MCF2: variants seen among roughly 807,000 people sequenced by gnomAD.
MCF2 encodes the protein MCF.2 cell line derived transforming sequence.
A neutral mutation model predicts 82.5 loss-of-function variants in MCF2; 44 were observed. The observed-to-expected ratio is 0.53, with a 90% CI of 0.42 to 0.69. MCF2 has a LOEUF of 0.69. Among genes scored for constraint, MCF2 ranks in the 30% least tolerant of loss-of-function variants. The pLI is 0.00. For synonymous variants in MCF2, 217 were observed against 224.9 expected (o/e 0.96, Z 0.32); for missense variants, 623 against 663.1 (o/e 0.94, Z 0.66).
At chrX:139,599,139 A>G (rs1460008094) in intron 16 of MCF2, among the ~76,000 whole-genome samples, 1 of 108,855 alleles carries the variant, frequency 9.2e-6, no homozygotes, top group African/African-American at 3.3e-5. Context: ...CCTGAATAAG[A>G]ACCATGGCTC....
At chrX:139,588,548 A>G (rs750698010) in intron 20 of MCF2, 110 bp from the exon 25 acceptor site, 1 of 441,675 alleles carries the variant, frequency 2.3e-6, no homozygotes, top group African/African-American at 2.5e-5. Context: ...TCTACTCCCT[A>G]TAACACCATA....
chrX:139,641,020 C>T (rs1434935377), intron 1 of MCF2, among the ~76,000 whole-genome samples: 2 of 109,980 alleles, frequency 1.8e-5, no homozygotes, highest in Non-Finnish European at 3.8e-5. Flanking sequence ...TTCCTTCAGC[C>T]CAGTAGCCAT....
intron 10 of MCF2, among the ~76,000 whole-genome samples, chrX:139,613,673 G>A (rs1462244076): frequency 9.0e-6 from 1 of 111,160 alleles, no homozygotes; most frequent in Non-Finnish European, 1.9e-5. Context: ...ACCGAGGTCT[G>A]TCTTCTGCTC....
chrX:139,672,399 C>G (rs771546982), intron 1 of MCF2, among the ~76,000 whole-genome samples: 13 of 112,544 alleles, frequency 1.2e-4, no homozygotes, highest in Non-Finnish European at 1.5e-4. Context: ...TGCCAGTTTT[C>G]AAAGGAAATG....
At chrX:139,639,992 T>C (rs901343847) in intron 1 of MCF2, among the ~76,000 whole-genome samples, 6 of 111,065 alleles carry the variant, frequency 5.4e-5, no homozygotes, top group Admixed American at 2.9e-4. Flanking sequence ...AAACTGGATA[T>C]TATTCCCTTT....
intron 24 of MCF2, among the ~76,000 whole-genome samples, chrX:139,584,285 G>A (rs1455790129): frequency 1.8e-5 from 2 of 109,755 alleles, no homozygotes; most frequent in African/African-American, 6.6e-5. Context: ...ACAGGCATGC[G>A]CCACCACAAC....
At position 139,692,295 on chromosome X, in the gene MCF2, C is replaced by T. The variant is rs954831997; in HGVS notation, c.-45+15811G>A. ...CTGCCGGAGGGGTACAGCCCCTGGC[C>T]CCGCTCAGCCCAGCTGCGCCGCGGC... On this transcript the variant is annotated intron_variant, in intron 1 of 27. Coordinates refer to the MCF2 transcript ENST00000414978. 51 of 312,065 alleles carry T rather than the reference C, an allele frequency of 1.6e-4. No homozygotes were observed. In the South Asian group the frequency reaches 2.2e-3, roughly 13 times the overall value. The allele number at this position is 312,065 out of a possible 1,213,427, so 25.7% of individuals were successfully genotyped here.
intron 19 of MCF2, 59 bp from the exon 24 acceptor site, chrX:139,589,986 A>C: frequency 1.4e-6 from 1 of 692,559 alleles, no homozygotes; most frequent in Non-Finnish European, 2.2e-6. Flanking sequence ...AAATTACATT[A>C]AATCTACCCT....
At chrX:139,585,370 T>G (rs1311938737) in intron 23 of MCF2, among the ~76,000 whole-genome samples, 192 bp from the exon 28 acceptor site, 1 of 110,929 alleles carries the variant, frequency 9.0e-6, no homozygotes, top group Non-Finnish European at 1.9e-5. Context: ...GAAAAGTCAT[T>G]GTCATCTTTT....
At chrX:139,692,264 C>G (rs1169777190) in intron 1 of MCF2, 1 of 412,445 alleles carries the variant, frequency 2.4e-6, no homozygotes, top group Non-Finnish European at 4.0e-6. Flanking sequence ...GCTGGGCACT[C>G]AGGCACTGCC....
At chrX:139,661,941 T>A (rs1286257300) in intron 1 of MCF2, among the ~76,000 whole-genome samples, 1 of 111,888 alleles carries the variant, frequency 8.9e-6, no homozygotes. Context: ...CCTGGGATAG[T>A]CTTGGGGAAC....
chrX:139,642,680 AG>A (rs1933640921), exon 1 of MCF2: 2 of 1,034,803 alleles, frequency 1.9e-6, no homozygotes, highest in Non-Finnish European at 2.5e-6. Context: ...AATGCTGGGG[AG>A]GAAAAAAAAA....
At chrX:139,680,705 G>A (rs1183525235) in intron 1 of MCF2, among the ~76,000 whole-genome samples, 1 of 112,202 alleles carries the variant, frequency 8.9e-6, no homozygotes, top group Non-Finnish European at 1.9e-5. Flanking sequence ...TATAAAAAGA[G>A]ACAAGATGAC....
intron 24 of MCF2, among the ~76,000 whole-genome samples, chrX:139,583,194 A>G (rs1928624693): frequency 1.8e-5 from 2 of 112,261 alleles, no homozygotes; most frequent in Admixed American, 9.5e-5. Context: ...AGTGATTTAC[A>G]AAAGTATTTC....
In MCF2 at chrX:139,585,181, A is replaced by AT; in HGVS notation, c.2633-4dup. On this transcript the variant is annotated splice_polypyrimidine_tract_variant and splice_region_variant and intron_variant, in intron 23 of 24. Transcript: ENST00000370576. ...AGATTGTGATGCCTCAGTCCAAACT[A>AT]TAAGAAAAGTGTGGAATGTGGCAGT... 8.8e-7 allele frequency: 1 copy of AT among 1,130,868 alleles called. No homozygotes were observed. Among genetic ancestry groups the AT allele is most frequent in the Non-Finnish European group, 1.2e-6 (1 of 829,343 alleles). The allele number at this position is 1,130,868 out of a possible 1,213,427, so 93.2% of individuals were successfully genotyped here.
At chrX:139,687,408 C>T (rs1334072806) in intron 1 of MCF2, among the ~76,000 whole-genome samples, 1 of 113,351 alleles carries the variant, frequency 8.8e-6, no homozygotes, top group African/African-American at 3.2e-5. Flanking sequence ...GACGTCGAAG[C>T]AACAGAAAGA....
chrX:139,587,414 G>GA (rs767952667), intron 22 of MCF2, among the ~76,000 whole-genome samples: 1,123 of 107,463 alleles, frequency 0.01, 11 homozygotes, highest in African/African-American at 0.036. Flanking sequence ...AAAATACTTT[G>GA]AAAAAAAAAG....
At chrX:139,692,037 A>G (rs1935282236) in intron 1 of MCF2, 4 of 1,164,540 alleles carry the variant, frequency 3.4e-6, no homozygotes, top group South Asian at 3.8e-5. Context: ...TATCGGCATG[A>G]AAGTGCAGCC....
chrX:139,670,123 G>A (rs1021083642), intron 1 of MCF2, among the ~76,000 whole-genome samples: 2 of 105,898 alleles, frequency 1.9e-5, no homozygotes, highest in African/African-American at 7.8e-5. Flanking sequence ...TCATTTGAAC[G>A]ATGAATGTAC....
Sources: gnomAD v4.1 joint callset for allele counts (sites outside exome capture counted in the v4.1 genomes callset) on GRCh38, gnomAD v4.1.1 for gene constraint, MANE v1.5 for transcripts, NCBI Gene and HGNC (gene_info 2026-07-23, HGNC 2026-07-21) for gene names.